CES5A: variants seen among roughly 807,000 people sequenced by gnomAD.
The protein encoded by CES5A is carboxylesterase 5A.
CES5A carries 67 observed loss-of-function variants against 62.9 expected under a neutral mutation model. The observed-to-expected ratio is 1.07, with a 90% CI of 0.88 to 1.31. The LOEUF is 1.31. Among genes scored for constraint, CES5A ranks in the 50% most tolerant of loss-of-function variants. The pLI is 0.00. For synonymous variants in CES5A, 296 were observed against 280.8 expected (o/e 1.05, Z -0.54); for missense variants, 748 against 708.5 (o/e 1.06, Z -0.63).
chr16:55,931,247 C>A lies in CES5A; in HGVS notation c.160+18538G>T, dbSNP rs76506195. 7.3e-3 allele frequency among the ~76,000 whole-genome samples: 1,108 copies of A among 152,300 alleles called. 15 individuals are homozygous for A. The highest frequency in any genetic ancestry group is 0.021 in the African/African-American group (876 of 41,560). On this transcript the variant is annotated intron_variant, in intron 2 of 13. Transcript: ENST00000521992. ...TTCCTTCTCATTCCCTTCCTGCAGT[C>A]TATTTTCTACACAACATGTATTAGA...
intron 2 of CES5A, among the ~76,000 whole-genome samples, chr16:55,939,571 G>A (rs2142477762): frequency 6.6e-6 from 1 of 152,160 alleles, no homozygotes; most frequent in African/African-American, 2.4e-5. Context: ...CATAAATAGA[G>A]AGCTCTAGGA....
Position 55,874,036 on chromosome 16 carries a change from C to T in CES5A, c.75G>A (p.Gly25=), listed in dbSNP as rs1295865915. The T allele has an allele frequency of 6.2e-7, 1 of 1,600,334 alleles. No individual in the cohort carries two copies. Among genetic ancestry groups the T allele is most frequent in the Non-Finnish European group, 8.5e-7 (1 of 1,174,130 alleles). ...AIWVLAAPTK[G]PSAEGPQRNT... ...TCCTCTGTGGCCCTTCAGCAGAAGG[C>T]CCTGCGGGAACACATGGGAGGAATC... Residue 25 remains glycine (G), a splice_region_variant and synonymous_variant, in exon 2 of 13, where the codon GGG becomes GGA. Coordinates refer to ENST00000290567, the MANE Select transcript of CES5A (RefSeq NM_001143685.2).
chr16:55,946,536 T>C (rs192704924), intron 2 of CES5A, among the ~76,000 whole-genome samples: 23 of 152,362 alleles, frequency 1.5e-4, no homozygotes, highest in African/African-American at 4.1e-4. Flanking sequence ...TCAGTTCCTA[T>C]GAGCAGCTGA....
chr16:55,916,025 A>G (rs1012171153), intron 1 of CES5A, among the ~76,000 whole-genome samples: 2 of 152,220 alleles, frequency 1.3e-5, no homozygotes, highest in Non-Finnish European at 2.9e-5. Flanking sequence ...TATGGCAGAC[A>G]GAAGTATTAC....
At chr16:55,888,443 G>C (rs2033839284) in intron 1 of CES5A, among the ~76,000 whole-genome samples, 1 of 152,200 alleles carries the variant, frequency 6.6e-6, no homozygotes, top group African/African-American at 2.4e-5. Context: ...AACAATTCTA[G>C]TAGATATTCT....
At position 55,914,622 on chromosome 16, in the gene CES5A, T is replaced by C. The variant is rs2034126815; in HGVS notation, c.-256+10701A>G. ...CTATCTAAGACTCACTGCATCAGAATGTCTAGGGAAGGACATGCCCTTTAA... is the reference window on the plus strand; with the variant it reads ...CTATCTAAGACTCACTGCATCAGAACGTCTAGGGAAGGACATGCCCTTTAA... On this transcript the variant is annotated intron_variant, in intron 1 of 12. Coordinates refer to the CES5A transcript ENST00000518005. 2.0e-5 allele frequency among the ~76,000 whole-genome samples: 3 copies of C among 152,330 alleles called. No homozygotes were observed. The South Asian group carries it at 6.2e-4, about 32-fold the overall frequency.
At chr16:55,865,918 C>T (rs780501360) in intron 5 of CES5A, 45 bp downstream of exon 5, 1 of 1,608,838 alleles carries the variant, frequency 6.2e-7, no homozygotes. Context: ...ATTTTTGGAA[C>T]CTCCGGCACT....
At chr16:55,891,533 C>A (rs1335668506) in intron 1 of CES5A, among the ~76,000 whole-genome samples, 5 of 152,144 alleles carry the variant, frequency 3.3e-5, no homozygotes. Context: ...CAACTCGAAG[C>A]AAAGGCAGGA....
chr16:55,927,297 CA>C (rs2034267126), upstream of CES5A, among the ~76,000 whole-genome samples: 1 of 152,016 alleles, frequency 6.6e-6, no homozygotes, highest in Non-Finnish European at 1.5e-5. Context: ...TTCTGCACAG[CA>C]GAAGAAATAA....
intron 1 of CES5A, among the ~76,000 whole-genome samples, chr16:55,921,764 A>T (rs192481031): frequency 3.6e-4 from 54 of 152,100 alleles, no homozygotes; most frequent in Non-Finnish European, 3.7e-4. Flanking sequence ...TCCACTCATA[A>T]CTCTAGTATG....
chr16:55,905,969 A>G (rs577812817), intron 1 of CES5A, among the ~76,000 whole-genome samples: 2 of 152,298 alleles, frequency 1.3e-5, no homozygotes, highest in South Asian at 4.1e-4. Context: ...CCCAGGAAGT[A>G]TTACTGTCCC....
rs200065839 is a variant in CES5A at position 55,923,158 on chromosome 16, GAAGA to G, written c.-256+2161_-256+2164del. ...AGCAAGAAAAAAAACAAAATTAATA[GAAGA>G]AAGAAATAATAAAGATCAGAGCAGA... On this transcript the variant is annotated intron_variant, in intron 1 of 12. Coordinates refer to the CES5A transcript ENST00000518005. Among the ~76,000 whole-genome samples, 353 of 151,350 alleles carry G rather than the reference GAAGA, an allele frequency of 2.3e-3. 8 individuals are homozygous for G. In the East Asian group the frequency reaches 0.06, roughly 26 times the overall value.
intron 8 of CES5A, among the ~76,000 whole-genome samples, chr16:55,856,741 G>A (rs1187908455): frequency 2.6e-5 from 4 of 152,222 alleles, no homozygotes; most frequent in African/African-American, 7.2e-5. Context: ...AAATTTACAC[G>A]TTGAAGCCTT....
chr16:55,936,995 C>T (rs879731087), intron 2 of CES5A, among the ~76,000 whole-genome samples: 8 of 152,146 alleles, frequency 5.3e-5, no homozygotes, highest in African/African-American at 1.9e-4. Flanking sequence ...TTAAGTACAA[C>T]AGCAAATGGG....
chr16:55,877,557 G>T (rs1285406228), upstream of CES5A, among the ~76,000 whole-genome samples: 3 of 151,824 alleles, frequency 2.0e-5, no homozygotes, highest in African/African-American at 7.3e-5. Flanking sequence ...TAGAGGAAAT[G>T]GTTTCCTAAT....
chr16:55,868,626 G>A (rs2142407173), intron 4 of CES5A, among the ~76,000 whole-genome samples: 1 of 152,254 alleles, frequency 6.6e-6, no homozygotes, highest in African/African-American at 2.4e-5. Flanking sequence ...CTCTCCCATA[G>A]TCAGGAGCCT....
At chr16:55,940,069 C>A (rs114241808) in intron 2 of CES5A, among the ~76,000 whole-genome samples, 2,208 of 151,222 alleles carry the variant, frequency 0.015, 69 homozygotes, top group African/African-American at 0.051. Context: ...GAAAGAAAAA[C>A]AAAACTGAAA....
At chr16:55,920,179 C>G (rs777611345) in intron 1 of CES5A, among the ~76,000 whole-genome samples, 2 of 152,184 alleles carry the variant, frequency 1.3e-5, no homozygotes, top group African/African-American at 2.4e-5. Context: ...GAACTGGACT[C>G]TCACATCCAC....
At chr16:55,921,050 G>A (rs898473305) in intron 1 of CES5A, among the ~76,000 whole-genome samples, 5 of 152,070 alleles carry the variant, frequency 3.3e-5, no homozygotes, top group Non-Finnish European at 7.4e-5. Context: ...CTTGAAGATA[G>A]GCTTTTGAAA....
Sources: allele counts gnomAD v4.1 joint callset (sites outside exome capture counted in the v4.1 genomes callset), GRCh38; gene constraint gnomAD v4.1.1; transcripts MANE v1.5; gene names NCBI Gene and HGNC (gene_info 2026-07-23, HGNC 2026-07-21).